Variants in DCHS2 observed in about 807,000 individuals in gnomAD.
The protein encoded by DCHS2 is dachsous cadherin-related 2.
Under a neutral mutation model 182.4 loss-of-function variants are expected in DCHS2, and 142 were observed. That is an observed-to-expected ratio of 0.78 (90% CI 0.68 to 0.89). DCHS2 has a LOEUF of 0.89. DCHS2 is among the 40% of genes least tolerant of loss of function. The pLI is 0.00. For missense variants in DCHS2, 4,319 were observed against 4,198.6 expected (o/e 1.03, Z -0.79); for synonymous variants, 1,740 against 1,663.3 (o/e 1.05, Z -1.12).
intron 1 of DCHS2, among the ~76,000 whole-genome samples, chr4:154,432,673 GA>G: frequency 6.6e-6 from 1 of 152,058 alleles, no homozygotes; most frequent in South Asian, 2.1e-4. Flanking sequence ...GAAAAAGACA[GA>G]AAATCTCAAT....
At chr4:154,332,072 G>A (rs534042541) in intron 5 of DCHS2, among the ~76,000 whole-genome samples, 1 of 152,204 alleles carries the variant, frequency 6.6e-6, no homozygotes, top group East Asian at 1.9e-4. Context: ...CACAAAATAC[G>A]TTTTGACGTT....
chr4:154,421,174 A>C (rs1203506782), intron 1 of DCHS2, among the ~76,000 whole-genome samples: 5 of 152,312 alleles, frequency 3.3e-5, no homozygotes, highest in South Asian at 2.1e-4. Flanking sequence ...TACATAGAGG[A>C]CTTATAGAAA....
At chr4:154,452,671 G>C (rs1734586753) in intron 1 of DCHS2, among the ~76,000 whole-genome samples, 1 of 151,848 alleles carries the variant, frequency 6.6e-6, no homozygotes, top group Non-Finnish European at 1.5e-5. Flanking sequence ...GTTAAAGGTT[G>C]AGTTTTATTT....
intron 16 of DCHS2, among the ~76,000 whole-genome samples, chr4:154,249,643 A>G (rs1184784789): frequency 1.3e-5 from 2 of 152,196 alleles, no homozygotes; most frequent in Non-Finnish European, 2.9e-5. Flanking sequence ...CGCTATTCAC[A>G]ATAGCAAAAA....
At chr4:154,472,528 C>G (rs979399075) in intron 1 of DCHS2, among the ~76,000 whole-genome samples, 1 of 152,120 alleles carries the variant, frequency 6.6e-6, no homozygotes, top group Non-Finnish European at 1.5e-5. Flanking sequence ...CCTCATTTTT[C>G]CCCTAAACTT....
In DCHS2 at chr4:154,320,944, G is replaced by A. The variant is rs1054478728; in HGVS notation, c.4455C>T (p.Ser1485=). The part of the protein sequence containing the change: ...YLFRVITTDH[S]KNLSLSSTVF... ...CTGTGCTACTCAGGGAAAGGTTTTT[G>A]CTATGGTCTGTAGTAATCACTCTGA... The change falls in exon 9 of 20, where the codon AGC becomes AGT. Residue 1485 remains serine, a synonymous_variant. Transcript: ENST00000357232. 1 of 1,613,942 alleles carries A rather than the reference G, an allele frequency of 6.2e-7. No homozygotes were observed. Among genetic ancestry groups the A allele is most frequent in the Non-Finnish European group, 8.5e-7 (1 of 1,179,990 alleles).
chr4:154,392,008 A>C (rs188980491), intron 1 of DCHS2, among the ~76,000 whole-genome samples: 1 of 152,324 alleles, frequency 6.6e-6, no homozygotes, highest in East Asian at 1.9e-4. Flanking sequence ...CTCTTGGGGT[A>C]CAATCATGGG....
chr4:154,359,885 CTTATA>C (rs1286423308), intron 3 of DCHS2, among the ~76,000 whole-genome samples: 2 of 151,862 alleles, frequency 1.3e-5, no homozygotes, highest in Non-Finnish European at 2.9e-5. Flanking sequence ...TTTAGGTAGT[CTTATA>C]AAGAAATTCC....
chr4:154,474,464 G>A (rs1246937627), intron 1 of DCHS2, among the ~76,000 whole-genome samples: 1 of 152,152 alleles, frequency 6.6e-6, no homozygotes, highest in Admixed American at 6.5e-5. Context: ...TGACTCAACT[G>A]AGCACAGATC....
intron 3 of DCHS2, among the ~76,000 whole-genome samples, chr4:154,338,845 A>G (rs900901107): frequency 7.2e-5 from 11 of 152,320 alleles, no homozygotes; most frequent in African/African-American, 1.9e-4. Context: ...TATGTTATCA[A>G]TCCATTGTGC....
intron 3 of DCHS2, among the ~76,000 whole-genome samples, chr4:154,352,156 T>C (rs1350480521): frequency 6.6e-6 from 1 of 152,150 alleles, no homozygotes; most frequent in Non-Finnish European, 1.5e-5. Context: ...CTTATTATTA[T>C]TATCTGTTTC....
At chr4:154,247,635 CAAAAAAAAAAAAAAAAAAAAAA>C (rs67157369) in intron 16 of DCHS2, among the ~76,000 whole-genome samples, 1 of 100,134 alleles carries the variant, frequency 1.0e-5, no homozygotes. Flanking sequence ...GACTCCGTCT[CAAAAAAAAAAAAAAAAAAAAAA>C]AAAAAAAAAA....
chr4:154,415,490 G>A (rs1244401571), intron 1 of DCHS2, among the ~76,000 whole-genome samples: 2 of 152,164 alleles, frequency 1.3e-5, no homozygotes, highest in African/African-American at 4.8e-5. Context: ...TCCTAAATCT[G>A]CTCTTGAATG....
At chr4:154,457,603 C>G (rs1258831292) in intron 1 of DCHS2, among the ~76,000 whole-genome samples, 2 of 152,156 alleles carry the variant, frequency 1.3e-5, no homozygotes, top group African/African-American at 2.4e-5. Flanking sequence ...AATCCAACAA[C>G]CAGCAGCAGT....
intron 1 of DCHS2, among the ~76,000 whole-genome samples, chr4:154,391,984 C>G (rs1731729288): frequency 6.6e-6 from 1 of 152,120 alleles, no homozygotes; most frequent in Non-Finnish European, 1.5e-5. Context: ...ATACTATATA[C>G]TAACAGGTGT....
intron 13 of DCHS2, among the ~76,000 whole-genome samples, chr4:154,297,408 G>A (rs946539352): frequency 7.2e-5 from 11 of 152,176 alleles, no homozygotes; most frequent in Non-Finnish European, 1.2e-4. Context: ...ATTTCCAGAA[G>A]TATCTATAGG....
At chr4:154,275,473 C>A (rs1463140124) in intron 13 of DCHS2, among the ~76,000 whole-genome samples, 2 of 152,122 alleles carry the variant, frequency 1.3e-5, no homozygotes, top group East Asian at 3.8e-4. Flanking sequence ...ATGTTGAGAA[C>A]TCTTTCAAAT....
intron 1 of DCHS2, among the ~76,000 whole-genome samples, chr4:154,443,949 GA>G (rs1417011756): frequency 6.6e-6 from 1 of 152,190 alleles, no homozygotes; most frequent in African/African-American, 2.4e-5. Context: ...TCATTTGACA[GA>G]ATTGATCACT....
At chr4:154,316,153 T>G (rs1044587751) in intron 9 of DCHS2, among the ~76,000 whole-genome samples, 166 bp from the exon 10 acceptor site, 3 of 152,196 alleles carry the variant, frequency 2.0e-5, no homozygotes, top group Admixed American at 2.0e-4. Context: ...TATCTACAAT[T>G]AAAAGCAAAC....
Sources: gnomAD v4.1 joint callset for allele counts (sites outside exome capture counted in the v4.1 genomes callset) on GRCh38, gnomAD v4.1.1 for gene constraint, MANE v1.5 for transcripts, NCBI Gene and HGNC (gene_info 2026-07-23, HGNC 2026-07-21) for gene names.